The following NSF variants were observed in gnomAD, a reference collection of about 807,000 sequenced individuals.
NSF encodes vesicle-fusing ATPase.
In NSF, 14 loss-of-function variants were observed where a neutral mutation model predicts 50.3. That is an observed-to-expected ratio of 0.28 (90% CI 0.18 to 0.44). The LOEUF is 0.44. Ranked by LOEUF, NSF falls within the 20% of genes least tolerant of loss-of-function variation. The pLI is 1.00. For synonymous variants in NSF, 109 were observed against 175.7 expected, an observed-to-expected ratio of 0.62 and a Z score of 3.00; for missense variants, 218 against 504.3, an observed-to-expected ratio of 0.43 and a Z score of 5.44.
chr17:46,744,548 T>G (rs2059108958), intron 17 of NSF, among the ~76,000 whole-genome samples: 1 of 152,226 alleles, frequency 6.6e-6, no homozygotes, highest in East Asian at 1.9e-4. Flanking sequence ...TAACTGACTT[T>G]ACTTTTGTTC....
At chr17:46,678,441 G>C (rs2146208306) in intron 9 of NSF, among the ~76,000 whole-genome samples, 1 of 144,382 alleles carries the variant, frequency 6.9e-6, no homozygotes, top group Admixed American at 7.0e-5. Context: ...AAAGATATAA[G>C]ATGAAAATAA....
At chr17:46,722,498 A>G (rs898825067) in intron 15 of NSF, among the ~76,000 whole-genome samples, 10 of 152,110 alleles carry the variant, frequency 6.6e-5, no homozygotes, top group African/African-American at 2.2e-4. Context: ...GGATTTATCT[A>G]CCTAAAGTTG....
At chr17:46,729,288 A>G (rs1179447174) in intron 17 of NSF, among the ~76,000 whole-genome samples, 1 of 152,166 alleles carries the variant, frequency 6.6e-6, no homozygotes, top group Non-Finnish European at 1.5e-5. Context: ...ATGTTCCCAT[A>G]TGTTTCATTT....
At chr17:46,753,495 TTTGTTTAGACTTATTC>T (rs1164612434) in intron 19 of NSF, among the ~76,000 whole-genome samples, 3 of 152,180 alleles carry the variant, frequency 2.0e-5, no homozygotes, top group African/African-American at 7.2e-5. Context: ...GACTAACCAC[TTTGTTTAGACTTATTC>T]TTGGTAAAAG....
At chr17:46,605,995 C>CAAAAAA (rs59118188) in intron 1 of NSF, among the ~76,000 whole-genome samples, 144 of 51,044 alleles carry the variant, frequency 2.8e-3, no homozygotes, top group Middle Eastern at 0.038. Flanking sequence ...ACTAAAAATA[C>CAAAAAA]AAAAAAAAAA....
At chr17:46,747,443 G>A (rs1350110372) in intron 17 of NSF, among the ~76,000 whole-genome samples, 1 of 151,870 alleles carries the variant, frequency 6.6e-6, no homozygotes, top group Non-Finnish European at 1.5e-5. Context: ...ACCACACCCG[G>A]CTAATTTTGG....
At chr17:46,712,701 G>A (rs2058731729) in intron 14 of NSF, among the ~76,000 whole-genome samples, 1 of 152,170 alleles carries the variant, frequency 6.6e-6, no homozygotes, top group Non-Finnish European at 1.5e-5. Flanking sequence ...CACTTACAGT[G>A]AGGGTGTGGG....
At chr17:46,746,733 A>G (rs1322562587) in intron 17 of NSF, among the ~76,000 whole-genome samples, 2 of 152,200 alleles carry the variant, frequency 1.3e-5, no homozygotes, top group Non-Finnish European at 2.9e-5. Flanking sequence ...TGGCTCCATC[A>G]TGTATTGGTT....
intron 17 of NSF, among the ~76,000 whole-genome samples, chr17:46,745,296 A>G (rs199535): frequency 0.15 from 22,623 of 152,282 alleles, 1,987 homozygotes; most frequent in Non-Finnish European, 0.2. Flanking sequence ...AATACACAAA[A>G]TGGCCCAGCA....
chr17:46,711,062 C>G lies in NSF; in HGVS notation c.1570C>G (p.Leu524Val), dbSNP rs759703171. ...VTRVLDDGELLVQQTKNSDRT... is the reference protein window; with the variant it reads ...VTRVLDDGELVVQQTKNSDRT... ...TCGAGTTCTAGATGATGGGGAGCTG[C>G]TGGTGCAGCAGACTAAGAACAGTGA... is the stretch of plus-strand genomic sequence containing the variant. The change falls in exon 14 of 21, where the codon CTG becomes GTG. Residue 524 changes from leucine (L) to valine (V), a missense_variant. Coordinates refer to ENST00000398238, the MANE Select transcript of NSF (RefSeq NM_006178.4). 1 of 1,586,990 alleles carries G rather than the reference C, an allele frequency of 6.3e-7. No individual in the cohort carries two copies. Among genetic ancestry groups the G allele is most frequent in the Non-Finnish European group, 8.5e-7 (1 of 1,170,470 alleles).
chr17:46,725,906 ATTC>A (rs1007520195), intron 15 of NSF, among the ~76,000 whole-genome samples: 19 of 152,290 alleles, frequency 1.2e-4, no homozygotes, highest in African/African-American at 4.3e-4. Context: ...AGATAAGCTA[ATTC>A]TTCTATCTGA....
chr17:46,631,061 T>TAC (rs61399986), intron 4 of NSF, among the ~76,000 whole-genome samples: 16,813 of 121,824 alleles, frequency 0.14, 231 homozygotes, highest in Non-Finnish European at 0.14. Flanking sequence ...TCTCTCTCTG[T>TAC]ACACACACAC....
chr17:46,713,821 T>A (rs1768161050), intron 14 of NSF, 32 bp from the exon 15 acceptor site: 6 of 1,596,898 alleles, frequency 3.8e-6, no homozygotes, highest in Non-Finnish European at 5.1e-6. Flanking sequence ...AGGTTGGCTT[T>A]TTTCCCCTGA....
At chr17:46,720,781 C>T (rs2058821737) in intron 15 of NSF, among the ~76,000 whole-genome samples, 2 of 152,150 alleles carry the variant, frequency 1.3e-5, no homozygotes, top group African/African-American at 4.8e-5. Context: ...CTGAGATGAA[C>T]TCTTTCAGCT....
chr17:46,712,751 T>C (rs2058732104), intron 14 of NSF, among the ~76,000 whole-genome samples: 1 of 152,044 alleles, frequency 6.6e-6, no homozygotes, highest in Admixed American at 6.6e-5. Context: ...CTCTGAAGCA[T>C]GTTAACACGT....
intron 1 of NSF, among the ~76,000 whole-genome samples, chr17:46,609,247 A>G (rs1426182841): frequency 6.7e-6 from 1 of 148,392 alleles, no homozygotes; most frequent in East Asian, 2.0e-4. Flanking sequence ...CAATGTATGC[A>G]TTTTTGTGTA....
intron 18 of NSF, among the ~76,000 whole-genome samples, chr17:46,750,328 G>T (rs968418736): frequency 3.3e-5 from 5 of 152,312 alleles, no homozygotes; most frequent in Non-Finnish European, 7.4e-5. Context: ...ACTCCAGTCT[G>T]GGTGAGGGAG....
intron 17 of NSF, among the ~76,000 whole-genome samples, chr17:46,741,300 A>G (rs1428289946): frequency 6.6e-6 from 1 of 152,206 alleles, no homozygotes; most frequent in Non-Finnish European, 1.5e-5. Context: ...TCTTTTTCAC[A>G]AATTGGAATT....
chr17:46,714,506 G>A (rs1006583962), intron 15 of NSF, among the ~76,000 whole-genome samples: 7 of 152,082 alleles, frequency 4.6e-5, no homozygotes, highest in African/African-American at 1.7e-4. Flanking sequence ...AGTGCCACTC[G>A]TCACCTTCTT....
Sources: allele counts gnomAD v4.1 joint callset (sites outside exome capture counted in the v4.1 genomes callset), GRCh38; gene constraint gnomAD v4.1.1; transcripts MANE v1.5; gene names NCBI Gene and HGNC (gene_info 2026-07-23, HGNC 2026-07-21).